The following SH3RF3 variants were observed in gnomAD, a reference collection of about 807,000 sequenced individuals.
The protein encoded by SH3RF3 is SH3 domain containing ring finger 3.
A neutral mutation model predicts 66.3 loss-of-function variants in SH3RF3; 29 were observed. The observed-to-expected ratio is 0.44, with a 90% CI of 0.33 to 0.60. SH3RF3 has a LOEUF of 0.60. Ranked by LOEUF, SH3RF3 falls within the 20% of genes least tolerant of loss-of-function variation. SH3RF3 has a pLI of 0.04. For missense variants in SH3RF3, 1,194 were observed against 1,190.9 expected (o/e 1.00, Z -0.04); for synonymous variants, 583 against 532.0 (o/e 1.10, Z -1.32).
At chr2:109,271,485 A>G (rs1680624914) in intron 1 of SH3RF3, among the ~76,000 whole-genome samples, 1 of 152,232 alleles carries the variant, frequency 6.6e-6, no homozygotes, top group Non-Finnish European at 1.5e-5. Context: ...CCCGTAAATC[A>G]ACGTGAGACT....
intron 8 of SH3RF3, among the ~76,000 whole-genome samples, chr2:109,489,914 T>C (rs546087822): frequency 6.6e-6 from 1 of 152,276 alleles, no homozygotes; most frequent in South Asian, 2.1e-4. Context: ...ATTTTTGTAT[T>C]TTTAGTAGAG....
At chr2:109,186,970 C>T (rs1331058404) in intron 1 of SH3RF3, among the ~76,000 whole-genome samples, 1 of 152,188 alleles carries the variant, frequency 6.6e-6, no homozygotes, top group Non-Finnish European at 1.5e-5. Context: ...GCCTCCCCAA[C>T]CTGTGCCCCT....
At chr2:109,332,110 C>CA (rs1682301156) in intron 1 of SH3RF3, among the ~76,000 whole-genome samples, 1 of 152,162 alleles carries the variant, frequency 6.6e-6, no homozygotes, top group African/African-American at 2.4e-5. Context: ...TTAGCATAGA[C>CA]ATTGGCCAAG....
intron 5 of SH3RF3, among the ~76,000 whole-genome samples, chr2:109,429,859 C>T (rs1257380562): frequency 1.3e-5 from 2 of 152,234 alleles, no homozygotes; most frequent in Non-Finnish European, 2.9e-5. Context: ...GCTCCCAGGC[C>T]ACCAAGCTCC....
At chr2:109,428,255 G>C (rs906686709) in intron 5 of SH3RF3, among the ~76,000 whole-genome samples, 1 of 152,262 alleles carries the variant, frequency 6.6e-6, no homozygotes, top group Non-Finnish European at 1.5e-5. Flanking sequence ...ATCTAGAGGA[G>C]AAAGGGGATG....
chr2:109,369,657 G>A (rs535178478), intron 2 of SH3RF3, among the ~76,000 whole-genome samples: 14 of 152,310 alleles, frequency 9.2e-5, no homozygotes, highest in African/African-American at 1.9e-4. Flanking sequence ...GGGAGAGGGC[G>A]GTTTGGAAGA....
At chr2:109,440,202 G>C (rs1677522299) in intron 7 of SH3RF3, among the ~76,000 whole-genome samples, 2 of 151,858 alleles carry the variant, frequency 1.3e-5, no homozygotes, top group Admixed American at 1.3e-4. Flanking sequence ...ACAGTTCCCT[G>C]CAGAGGCATA....
chr2:109,477,613 GGTGTGTGTGTGT>G (rs71383845), intron 8 of SH3RF3, among the ~76,000 whole-genome samples: 3 of 149,352 alleles, frequency 2.0e-5, no homozygotes, highest in African/African-American at 4.9e-5. Flanking sequence ...GCCACAGATG[GGTGTGTGTGTGT>G]GTGTGTGTGT....
intron 2 of SH3RF3, among the ~76,000 whole-genome samples, chr2:109,349,356 C>T (rs1238851287): frequency 2.0e-5 from 3 of 152,188 alleles, no homozygotes; most frequent in Admixed American, 1.3e-4. Context: ...ATGCTAATTC[C>T]GATTGTCATC....
chr2:109,474,616 G>T (rs1022646361), intron 8 of SH3RF3, among the ~76,000 whole-genome samples: 1 of 152,226 alleles, frequency 6.6e-6, no homozygotes, highest in African/African-American at 2.4e-5. Context: ...GGGCAGGGGG[G>T]GAGAACGCAG....
chr2:109,152,357 A>C (rs540732435), intron 1 of SH3RF3, among the ~76,000 whole-genome samples: 26 of 152,186 alleles, frequency 1.7e-4, no homozygotes, highest in Non-Finnish European at 5.9e-5. Context: ...GCATTTGGCA[A>C]ATCCCTCTTA....
chr2:109,129,720 T>A lies in SH3RF3; in HGVS notation c.180T>A (p.Cys60Ter), dbSNP rs1376112486. 6.5e-7 allele frequency: 1 copy of A among 1,537,790 alleles called. No homozygotes were observed. The highest frequency in any genetic ancestry group is 8.7e-7 in the Non-Finnish European group (1 of 1,145,124). The change falls in exon 1 of 10, where the codon TGT becomes TGA. Residue 60 changes from cysteine to a stop codon, truncating the protein, a stop_gained. Coordinates refer to ENST00000309415, the MANE Select transcript of SH3RF3 (RefSeq NM_001099289.3). LOFTEE classifies it high-confidence loss of function. ...TGGACCTGCTGGAGTGCTCCGTGTGTCTGGAGCGCCTGGACACCACGGCCA... is the reference window on the plus strand; with the variant it reads ...TGGACCTGCTGGAGTGCTCCGTGTGACTGGAGCGCCTGGACACCACGGCCA... ...SLLDLLECSVCLERLDTTAKV... is the reference protein window; with the variant it reads ...SLLDLLECSV
chr2:109,143,088 G>A (rs1676997062), intron 1 of SH3RF3, among the ~76,000 whole-genome samples: 1 of 152,148 alleles, frequency 6.6e-6, no homozygotes, highest in African/African-American at 2.4e-5. Context: ...CCAGTGTGGG[G>A]GGCCTGCCAT....
chr2:109,391,510 G>T (rs1198040570), intron 3 of SH3RF3, among the ~76,000 whole-genome samples: 1 of 152,202 alleles, frequency 6.6e-6, no homozygotes, highest in Non-Finnish European at 1.5e-5. Flanking sequence ...CTCTAGTGTT[G>T]CTCAGCCTCT....
At chr2:109,426,935 G>A (rs985883914) in intron 5 of SH3RF3, among the ~76,000 whole-genome samples, 2 of 151,556 alleles carry the variant, frequency 1.3e-5, no homozygotes, top group African/African-American at 4.9e-5. Context: ...TGAAGGCTCA[G>A]ATGATCATTA....
intron 8 of SH3RF3, among the ~76,000 whole-genome samples, chr2:109,453,582 A>G (rs1387061518): frequency 2.0e-5 from 3 of 152,142 alleles, no homozygotes; most frequent in African/African-American, 4.8e-5. Context: ...CCGACCGGCC[A>G]TCACTCACTC....
chr2:109,407,919 A>G (rs10205046), intron 4 of SH3RF3, among the ~76,000 whole-genome samples: 1,640 of 152,240 alleles, frequency 0.011, 32 homozygotes, highest in African/African-American at 0.038. Flanking sequence ...AAGCTTACCA[A>G]TCACAGTGCA....
At chr2:109,349,148 TCTG>T (rs554685356) in intron 2 of SH3RF3, among the ~76,000 whole-genome samples, 225 of 127,612 alleles carry the variant, frequency 1.8e-3, no homozygotes, top group Non-Finnish European at 2.5e-3. Flanking sequence ...CTCTCCCCCA[TCTG>T]CTGAGTGCAG....
intron 1 of SH3RF3, among the ~76,000 whole-genome samples, chr2:109,170,271 T>C (rs1337400875): frequency 1.0e-4 from 10 of 99,608 alleles, no homozygotes; most frequent in African/African-American, 3.1e-4. Context: ...TCTCTTCTCT[T>C]CTCTTCTCTT....
Sources: allele counts gnomAD v4.1 joint callset (sites outside exome capture counted in the v4.1 genomes callset), GRCh38; gene constraint gnomAD v4.1.1; transcripts MANE v1.5; gene names NCBI Gene and HGNC (gene_info 2026-07-23, HGNC 2026-07-21).